CASD1: variants seen among roughly 807,000 people sequenced by gnomAD.
CASD1 encodes the protein CAS1 domain sialic acid O acetyltransferase 1.
CASD1 carries 41 observed loss-of-function variants against 100.0 expected under a neutral mutation model. That is an observed-to-expected ratio of 0.41 (90% CI 0.32 to 0.53). The LOEUF (loss-of-function observed/expected upper bound fraction) is 0.53. Ranked by LOEUF, CASD1 falls within the 20% of genes least tolerant of loss-of-function variation. The pLI, the probability that CASD1 is intolerant of heterozygous loss-of-function variation, is 0.25. For synonymous variants in CASD1, 321 were observed against 315.6 expected (o/e 1.02, Z -0.18); for missense variants, 774 against 948.7 (o/e 0.82, Z 2.42).
At chr7:94,513,871 T>G (rs1226523671) in intron 1 of CASD1, among the ~76,000 whole-genome samples, 2 of 152,196 alleles carry the variant, frequency 1.3e-5, no homozygotes, top group African/African-American at 2.4e-5. Context: ...CATTTTAAAA[T>G]TATTAATATT....
chr7:94,563,975 C>T, the CASD1 span, among the ~76,000 whole-genome samples: 1 of 152,152 alleles, frequency 6.6e-6, no homozygotes, highest in South Asian at 2.1e-4. Context: ...CCAAGACCTC[C>T]AGTGTGATAA....
intron 1 of CASD1, among the ~76,000 whole-genome samples, chr7:94,513,591 C>T (rs1407663969): frequency 6.6e-6 from 1 of 152,170 alleles, no homozygotes; most frequent in Non-Finnish European, 1.5e-5. Context: ...ACACCCACAG[C>T]AGTAGGAATT....
chr7:94,606,004 T>G, the CASD1 span, among the ~76,000 whole-genome samples: 3 of 151,940 alleles, frequency 2.0e-5, no homozygotes, highest in Non-Finnish European at 4.4e-5. Context: ...AATTTTTGTA[T>G]TTTCGGTAGA....
intron 10 of CASD1, among the ~76,000 whole-genome samples, chr7:94,542,322 C>G (rs1260556971): frequency 2.6e-5 from 4 of 152,138 alleles, no homozygotes; most frequent in African/African-American, 9.7e-5. Context: ...CTATTGAGCA[C>G]TTCGTAGCTA....
At chr7:94,629,743 C>T in the CASD1 span, 1 of 1,611,056 alleles carries the variant, frequency 6.2e-7, no homozygotes, top group Middle Eastern at 1.7e-4. Context: ...GGTGGAAATT[C>T]CCCCTTAAAA....
At chr7:94,630,662 C>T in the CASD1 span, among the ~76,000 whole-genome samples, 1 of 151,892 alleles carries the variant, frequency 6.6e-6, no homozygotes, top group East Asian at 1.9e-4. Context: ...CTGATAGCAT[C>T]TTCTCCACTA....
the CASD1 span, chr7:94,589,475 A>T: frequency 6.6e-6 from 1 of 152,420 alleles, no homozygotes; most frequent in Admixed American, 6.5e-5. Flanking sequence ...CATTGCTGTC[A>T]GAATAATCTT....
chr7:94,577,818 G>A, the CASD1 span, among the ~76,000 whole-genome samples: 1 of 152,174 alleles, frequency 6.6e-6, no homozygotes, highest in Non-Finnish European at 1.5e-5. Flanking sequence ...AGAGCTCTGA[G>A]TCAGGTCAAA....
intron 13 of CASD1, 66 bp from the exon 14 acceptor site, chr7:94,549,467 A>T: frequency 9.1e-7 from 1 of 1,100,916 alleles, no homozygotes; most frequent in Admixed American, 2.2e-5. Flanking sequence ...TATAATCTGT[A>T]ATAGAATTGC....
chr7:94,557,747 ATATAATTATATAATAATCTG>A (rs1270176145), downstream of CASD1, among the ~76,000 whole-genome samples: 1 of 151,700 alleles, frequency 6.6e-6, no homozygotes, highest in African/African-American at 2.4e-5. Flanking sequence ...TATTTTTTAC[ATATAATTATATAATAATCTG>A]TATAATTTAA....
chr7:94,574,654 T>C, the CASD1 span, among the ~76,000 whole-genome samples: 2 of 151,790 alleles, frequency 1.3e-5, no homozygotes, highest in Non-Finnish European at 2.9e-5. Flanking sequence ...GCCATCTATC[T>C]TAATGATTTT....
chr7:94,540,207 T>C (rs899115249), intron 10 of CASD1, among the ~76,000 whole-genome samples: 2 of 152,148 alleles, frequency 1.3e-5, no homozygotes, highest in African/African-American at 4.8e-5. Flanking sequence ...ATGCAAACTT[T>C]CCATAAAATA....
At chr7:94,615,365 AATAGATAGATAGATAGATAGATAG>A in the CASD1 span, among the ~76,000 whole-genome samples, 959 of 142,306 alleles carry the variant, frequency 6.7e-3, 11 homozygotes, top group African/African-American at 0.022. Flanking sequence ...TCTCAAAATA[AATAGATAGATAGATAGATAGATAG>A]ATAGATAGAT....
chr7:94,566,559 GT>G, the CASD1 span, among the ~76,000 whole-genome samples: 1 of 151,792 alleles, frequency 6.6e-6, no homozygotes, highest in Non-Finnish European at 1.5e-5. Context: ...ACTTATGGCT[GT>G]TTCATAGTTG....
At chr7:94,517,230 T>C (rs1175266052) in intron 1 of CASD1, among the ~76,000 whole-genome samples, 2 of 152,086 alleles carry the variant, frequency 1.3e-5, no homozygotes, top group Non-Finnish European at 2.9e-5. Flanking sequence ...TTCTCAGCTA[T>C]AAGTAGGGGA....
the CASD1 span, among the ~76,000 whole-genome samples, chr7:94,586,085 A>AAAC: frequency 6.6e-6 from 1 of 150,680 alleles, no homozygotes; most frequent in Non-Finnish European, 1.5e-5. Flanking sequence ...AAAAAAAAAA[A>AAAC]AACAACAACT....
chr7:94,604,845 AT>A, the CASD1 span, among the ~76,000 whole-genome samples: 46 of 80,584 alleles, frequency 5.7e-4, no homozygotes, highest in South Asian at 1.0e-3. Flanking sequence ...ATATATATAT[AT>A]ATATATATAT....
intron 4 of CASD1, 152 bp downstream of exon 4, chr7:94,527,358 A>G: frequency 1.7e-6 from 1 of 587,964 alleles, no homozygotes; most frequent in Non-Finnish European, 3.0e-6. Context: ...ATTTTATGTA[A>G]TGGTCTCAAA....
the CASD1 span, among the ~76,000 whole-genome samples, chr7:94,575,401 G>T: frequency 2.0e-5 from 3 of 152,156 alleles, no homozygotes; most frequent in African/African-American, 4.8e-5. Flanking sequence ...TTGTGCTCTG[G>T]TCCCAGAGAG....
Sources: gnomAD v4.1 joint callset for allele counts (sites outside exome capture counted in the v4.1 genomes callset) on GRCh38, gnomAD v4.1.1 for gene constraint, MANE v1.5 for transcripts, NCBI Gene and HGNC (gene_info 2026-07-23, HGNC 2026-07-21) for gene names.